The following EMC2 variants were observed in gnomAD, a reference collection of about 807,000 sequenced individuals.
EMC2 encodes the protein ER membrane protein complex subunit 2.
A neutral mutation model predicts 51.6 loss-of-function variants in EMC2; 37 were observed. The observed-to-expected ratio is 0.72, with a 90% confidence interval of 0.55 to 0.94. The LOEUF is 0.94. EMC2 is among the 40% of genes least tolerant of loss of function. The pLI is 0.00. For synonymous variants in EMC2, 131 were observed against 112.4 expected, an observed-to-expected ratio of 1.17 and a Z score of -1.04; for missense variants, 359 against 350.9, an observed-to-expected ratio of 1.02 and a Z score of -0.18.
At chr8:108,470,758 T>C (rs567415960) in intron 7 of EMC2, 2 of 152,256 alleles carry the variant, frequency 1.3e-5, no homozygotes, top group East Asian at 3.9e-4. Context: ...ACAGCATTAA[T>C]GCTAACCTCC....
chr8:108,466,155 TAC>T (rs1426556557), intron 5 of EMC2, among the ~76,000 whole-genome samples: 3 of 152,156 alleles, frequency 2.0e-5, no homozygotes, highest in African/African-American at 7.2e-5. Flanking sequence ...CCCAAGATCT[TAC>T]AGTTAGTAAG....
At chr8:108,459,472 G>A (rs937503553) in intron 5 of EMC2, among the ~76,000 whole-genome samples, 2 of 152,200 alleles carry the variant, frequency 1.3e-5, no homozygotes, top group Non-Finnish European at 2.9e-5. Flanking sequence ...AAGGCAAGGA[G>A]GAGCAAGTCA....
intron 5 of EMC2, among the ~76,000 whole-genome samples, chr8:108,468,207 A>G (rs540803610): frequency 6.6e-6 from 1 of 152,310 alleles, no homozygotes; most frequent in South Asian, 2.1e-4. Flanking sequence ...TTGGAGGACT[A>G]GGGACAATGC....
intron 7 of EMC2, 51 bp from the exon 8 acceptor site, chr8:108,475,831 A>T: frequency 9.8e-7 from 1 of 1,019,944 alleles, no homozygotes; most frequent in Non-Finnish European, 1.5e-6. Context: ...TTTAACTAAG[A>T]TAAAAATTTG....
chr8:108,462,505 C>G (rs183960069), intron 5 of EMC2, among the ~76,000 whole-genome samples: 21 of 152,212 alleles, frequency 1.4e-4, no homozygotes, highest in African/African-American at 4.8e-4. Flanking sequence ...GGTGAAATGT[C>G]TGGGTCAGGA....
chr8:108,447,720 C>T, intron 1 of EMC2, among the ~76,000 whole-genome samples: 1 of 152,108 alleles, frequency 6.6e-6, no homozygotes, highest in East Asian at 1.9e-4. Flanking sequence ...TAGCTCATCT[C>T]ACAGGATTGC....
chr8:108,449,952 A>C lies in EMC2; in HGVS notation c.154+16A>C. 1 of 1,223,914 alleles carries C rather than the reference A, an allele frequency of 8.2e-7. No individual in the cohort carries two copies. The highest frequency in any genetic ancestry group is 1.2e-6 in the Non-Finnish European group (1 of 835,336). The allele number at this position is 1,223,914 out of a possible 1,614,324, so 75.8% of individuals were successfully genotyped here. On this transcript the variant is annotated intron_variant, in intron 2 of 10. Transcript: ENST00000220853. ...GGAGATGATAGTAAGTTCTTTTATT[A>C]CATTCAGGCTCAGTACATGCCTCAT...
chr8:108,469,705 C>T (rs1303054770), intron 5 of EMC2, 121 bp from the exon 6 acceptor site: 1 of 740,984 alleles, frequency 1.3e-6, no homozygotes, highest in Admixed American at 2.4e-5. Context: ...TCCCACTAAG[C>T]AGTAGTTCTA....
chr8:108,452,725 G>T (rs117854692), intron 3 of EMC2, among the ~76,000 whole-genome samples: 4 of 152,256 alleles, frequency 2.6e-5, no homozygotes, highest in African/African-American at 9.6e-5. Context: ...AACGCCAGGC[G>T]CTGTTGTCAT....
chr8:108,475,546 GT>G (rs960589069), intron 7 of EMC2: 17 of 173,988 alleles, frequency 9.8e-5, no homozygotes, highest in African/African-American at 3.5e-4. Flanking sequence ...TCCAGAAGTT[GT>G]TTTATATACA....
chr8:108,449,275 CTTTTT>C (rs71303983), intron 1 of EMC2, among the ~76,000 whole-genome samples: 1 of 128,910 alleles, frequency 7.8e-6, no homozygotes. Flanking sequence ...ACCATGCTGC[CTTTTT>C]TTTTTTTTTT....
At chr8:108,484,959 T>C (rs920714450) in intron 10 of EMC2, among the ~76,000 whole-genome samples, 1 of 152,030 alleles carries the variant, frequency 6.6e-6, no homozygotes, top group African/African-American at 2.4e-5. Flanking sequence ...CAAGGTGATC[T>C]TGATTTTTAT....
intron 4 of EMC2, among the ~76,000 whole-genome samples, chr8:108,455,190 A>C (rs371257475): frequency 6.6e-6 from 1 of 151,938 alleles, no homozygotes; most frequent in Non-Finnish European, 1.5e-5. Context: ...GTATTCCATT[A>C]CATATATATG....
chr8:108,468,143 G>A (rs1003322408), intron 5 of EMC2, among the ~76,000 whole-genome samples: 1 of 152,164 alleles, frequency 6.6e-6, no homozygotes, highest in African/African-American at 2.4e-5. Context: ...GGTGAAATCA[G>A]ATATTAAATG....
chr8:108,466,977 A>G (rs1810734578), intron 5 of EMC2, among the ~76,000 whole-genome samples: 1 of 152,146 alleles, frequency 6.6e-6, no homozygotes, highest in African/African-American at 2.4e-5. Flanking sequence ...GCAAGAGACT[A>G]TGGCAAAAAA....
At chr8:108,485,118 G>A (rs1811110746) in intron 10 of EMC2, among the ~76,000 whole-genome samples, 1 of 151,778 alleles carries the variant, frequency 6.6e-6, no homozygotes, top group African/African-American at 2.4e-5. Context: ...AGCCAGAGGG[G>A]TCAGAGACAG....
At chr8:108,453,425 T>C (rs1208508443) in intron 4 of EMC2, among the ~76,000 whole-genome samples, 1 of 152,150 alleles carries the variant, frequency 6.6e-6, no homozygotes, top group Non-Finnish European at 1.5e-5. Context: ...CTTTATATAT[T>C]CTGGATAAAA....
At chr8:108,453,198 T>G (rs1467784907) in intron 4 of EMC2, 51 bp downstream of exon 4, 5 of 1,111,948 alleles carry the variant, frequency 4.5e-6, no homozygotes, top group Non-Finnish European at 6.5e-6. Flanking sequence ...ATCATGGTGG[T>G]GTTAATTTTT....
intron 5 of EMC2, among the ~76,000 whole-genome samples, chr8:108,459,703 T>TGTGAGA (rs147292060): frequency 7.9e-6 from 1 of 126,346 alleles, no homozygotes; most frequent in Non-Finnish European, 1.6e-5. Flanking sequence ...CCAAGCCATG[T>TGTGAGA]GAGAGAGAGA....
Sources: allele counts gnomAD v4.1 joint callset (sites outside exome capture counted in the v4.1 genomes callset), GRCh38; gene constraint gnomAD v4.1.1; transcripts MANE v1.5; gene names NCBI Gene and HGNC (gene_info 2026-07-23, HGNC 2026-07-21).